Variants in UBE4A observed in about 807,000 individuals in gnomAD.
UBE4A encodes the protein ubiquitination factor E4A.
In UBE4A, 48 loss-of-function variants were observed where a neutral mutation model predicts 117.9. That is an observed-to-expected ratio of 0.41 (90% CI 0.32 to 0.52). The LOEUF is 0.52. Among genes scored for constraint, UBE4A ranks in the 20% least tolerant of loss-of-function variants. UBE4A has a pLI of 0.33. For missense variants in UBE4A, 1,067 were observed against 1,296.3 expected (o/e 0.82, Z 2.72); for synonymous variants, 407 against 450.0 (o/e 0.90, Z 1.21).
chr11:118,360,024 G>T (rs3782046), intron 1 of UBE4A, among the ~76,000 whole-genome samples: 1 of 151,992 alleles, frequency 6.6e-6, no homozygotes, highest in African/African-American at 2.4e-5. Context: ...CCCTTATGGA[G>T]CATGGAAGGA....
intron 1 of UBE4A, among the ~76,000 whole-genome samples, chr11:118,360,024 G>A (rs3782046): frequency 0.2 from 31,153 of 152,048 alleles, 3,780 homozygotes; most frequent in East Asian, 0.51. Context: ...CCCTTATGGA[G>A]CATGGAAGGA....
chr11:118,372,796 G>C (rs1383181729), intron 6 of UBE4A, 130 bp downstream of exon 6: 3 of 1,347,372 alleles, frequency 2.2e-6, no homozygotes, highest in Non-Finnish European at 3.1e-6. Flanking sequence ...CTCACATCTT[G>C]ATCTTTGAGG....
At position 118,398,959 on chromosome 11, in the gene UBE4A, ATAAGTC is replaced by A; in HGVS notation, c.*2522_*2527del. 2.3e-6 allele frequency: 1 copy of A among 440,220 alleles called. No homozygotes were observed. The highest frequency in any genetic ancestry group is 4.6e-6 in the Non-Finnish European group (1 of 217,914). The allele number at this position is 440,220 out of a possible 1,614,324, so 27.3% of individuals were successfully genotyped here. On this transcript the variant is annotated 3_prime_UTR_variant, in exon 20 of 20. Transcript: ENST00000252108. ...TTGCTAAGCAGCCATTGCACAGAGC[ATAAGTC>A]TACTGGGTGCCTTTACATGCCAGAG...
Position 118,384,878 on chromosome 11 carries a change from C to T in UBE4A, c.2345C>T (p.Pro782Leu). The T allele has an allele frequency of 6.2e-7, 1 of 1,613,488 alleles. No homozygotes were observed. The change falls in exon 15 of 20, where the codon CCA (proline) becomes CTA (leucine). Residue 782 changes from proline to leucine, a missense_variant. Transcript: ENST00000252108. Reference sequence around the variant, plus strand: ...AAGAATTTAGAAGCCATGAATCCCCCACTTTTCCTCCGCTTTCTTAACCTG... The same window carrying T: ...AAGAATTTAGAAGCCATGAATCCCCTACTTTTCCTCCGCTTTCTTAACCTG... The part of the protein sequence containing the change: ...ASKNLEAMNP[P>L]LFLRFLNLLM...
chr11:118,365,996 G>A (rs1458888563), intron 2 of UBE4A, among the ~76,000 whole-genome samples: 1 of 151,220 alleles, frequency 6.6e-6, no homozygotes, highest in Non-Finnish European at 1.5e-5. Context: ...TCTCCGAAAA[G>A]AATAATAGTG....
intron 19 of UBE4A, 29 bp downstream of exon 19, chr11:118,392,924 A>G (rs1555128864): frequency 1.2e-6 from 2 of 1,608,482 alleles, no homozygotes; most frequent in Admixed American, 3.4e-5. Flanking sequence ...CAGACTCAAG[A>G]GCATATATAT....
At chr11:118,360,474 G>A (rs1429658864) in intron 1 of UBE4A, among the ~76,000 whole-genome samples, 1 of 152,154 alleles carries the variant, frequency 6.6e-6, no homozygotes, top group Non-Finnish European at 1.5e-5. Context: ...ATAGTGTTAG[G>A]TGAAACATAC....
rs1555126923 is a variant in UBE4A, at chr11:118,384,904, C to T, written c.2371C>T (p.Leu791=). 3.7e-6 allele frequency: 6 copies of T among 1,605,562 alleles called. No individual in the cohort carries two copies. In the South Asian group the frequency reaches 6.6e-5, roughly 18 times the overall value. Residue 791 remains leucine (L), a synonymous_variant, in exon 15 of 20, where the codon CTA becomes TTA. Transcript: ENST00000252108. ...PPLFLRFLNL[L]MNDAIFLLDE... ...ACTTTTCCTCCGCTTTCTTAACCTG[C>T]TAATGAATGATGCCATCTTCCTTTT...
chr11:118,364,641 T>G (rs2134085268), intron 1 of UBE4A, among the ~76,000 whole-genome samples: 1 of 152,226 alleles, frequency 6.6e-6, no homozygotes, highest in South Asian at 2.1e-4. Flanking sequence ...AGCTTAATTC[T>G]TGGGAAATCC....
At chr11:118,365,463 C>A (rs1414822058) in intron 2 of UBE4A, among the ~76,000 whole-genome samples, 1 of 151,910 alleles carries the variant, frequency 6.6e-6, no homozygotes, top group Non-Finnish European at 1.5e-5. Context: ...TAACAGATGC[C>A]AGTCGTGATC....
At chr11:118,365,000 T>G in intron 1 of UBE4A, 40 bp from the exon 2 acceptor site, 2 of 1,461,028 alleles carry the variant, frequency 1.4e-6, no homozygotes, top group Non-Finnish European at 1.8e-6. Context: ...AGCTATTGTG[T>G]CATCTGCCCT....
At position 118,390,710 on chromosome 11, in the gene UBE4A, C is replaced by T; in HGVS notation, c.2822C>T (p.Pro941Leu). 1 of 1,584,200 alleles carries T rather than the reference C, an allele frequency of 6.3e-7. No individual in the cohort carries two copies. The highest frequency in any genetic ancestry group is 1.1e-5 in the South Asian group (1 of 87,688). ...TVPKDGRSYSPTLFAQTVRVL... is the reference protein window; with the variant it reads ...TVPKDGRSYSLTLFAQTVRVL... ...CCCAAGGATGGACGTTCCTATTCCC[C>T]AACTCTCTTTGCACAGACAGTTCGA... The change falls in exon 18 of 20, where the codon CCA becomes CTA. Residue 941 changes from proline (P) to leucine (L), a missense_variant. Around this residue, in one of 3 missense-constraint regions of UBE4A, gnomAD observed 1,001 missense variants for 1,184.0 expected, o/e 0.85. Coordinates refer to ENST00000252108, the MANE Select transcript of UBE4A (RefSeq NM_001204077.2).
rs1326409864 is a variant in UBE4A at position 118,373,250 on chromosome 11, A to G, written c.886A>G (p.Ile296Val). 1 of 1,612,994 alleles carries G rather than the reference A, an allele frequency of 6.2e-7. No homozygotes were observed. ...CQILLYAYLD[I>V]LLYFTRQKDM... The stretch of plus-strand genomic sequence containing the variant: ...GATCCTTTTGTATGCATATCTGGAT[A>G]TTCTTCTCTATTTCACTAGGCAAAA... Residue 296 changes from isoleucine (I) to valine (V), a missense_variant, in exon 7 of 20, where the codon ATT becomes GTT. Around this residue, in one of 3 missense-constraint regions of UBE4A, gnomAD observed 1,001 missense variants for 1,184.0 expected, o/e 0.85. Transcript: ENST00000252108.
At chr11:118,384,343 C>T (rs1318738242) in intron 13 of UBE4A, among the ~76,000 whole-genome samples, 2 of 152,164 alleles carry the variant, frequency 1.3e-5, no homozygotes, top group Non-Finnish European at 2.9e-5. Flanking sequence ...GAGAAGTACT[C>T]ATGTTTGGAT....
chr11:118,392,671 G>T, intron 18 of UBE4A, 67 bp from the exon 19 acceptor site: 1 of 1,505,278 alleles, frequency 6.6e-7, no homozygotes, highest in Non-Finnish European at 9.1e-7. Context: ...GTCTTGCTCT[G>T]TCATTGAGCA....
chr11:118,374,636 T>C (rs1311550247), intron 8 of UBE4A, among the ~76,000 whole-genome samples: 2 of 152,242 alleles, frequency 1.3e-5, no homozygotes, highest in African/African-American at 2.4e-5. Context: ...GAAATCCTTA[T>C]TGTCTAGCCC....
chr11:118,371,397 T>G (rs181822588), intron 4 of UBE4A, 117 bp from the exon 5 acceptor site: 1 of 1,306,380 alleles, frequency 7.7e-7, no homozygotes, highest in East Asian at 2.4e-5. Context: ...TCTCCTTCAC[T>G]CTACATTCAA....
chr11:118,394,772 CAAAA>C (rs201405273), intron 19 of UBE4A, among the ~76,000 whole-genome samples: 1 of 105,584 alleles, frequency 9.5e-6, no homozygotes. Flanking sequence ...AGACTCGTCT[CAAAA>C]AAAAAAAAAA....
At chr11:118,371,486 T>C in intron 4 of UBE4A, 28 bp from the exon 5 acceptor site, 3 of 1,588,390 alleles carry the variant, frequency 1.9e-6, no homozygotes, top group East Asian at 4.5e-5. Context: ...TGCAATAGTT[T>C]AGTATTTTTG....
Sources: gnomAD v4.1 joint callset for allele counts (sites outside exome capture counted in the v4.1 genomes callset) on GRCh38, gnomAD v4.1.1 for gene constraint, gnomAD v4.1.1 regional missense constraint, MANE v1.5 for transcripts, NCBI Gene and HGNC (gene_info 2026-07-23, HGNC 2026-07-21) for gene names.